Variants in NKAIN2 observed in about 807,000 individuals in gnomAD.
The protein encoded by NKAIN2 is sodium/potassium-transporting ATPase subunit beta-1-interacting protein 2.
Under a neutral mutation model 32.6 loss-of-function variants are expected in NKAIN2, and 14 were observed. That is an observed-to-expected ratio of 0.43 (90% CI 0.28 to 0.67). The LOEUF (loss-of-function observed/expected upper bound fraction) is 0.67, where lower values mean the gene tolerates loss of function less well. Among genes scored for constraint, NKAIN2 ranks in the 30% least tolerant of loss-of-function variants. The pLI is 0.17. For missense variants in NKAIN2, 198 were observed against 258.3 expected, an observed-to-expected ratio of 0.77 and a Z score of 1.60; for synonymous variants, 80 against 87.2, an observed-to-expected ratio of 0.92 and a Z score of 0.46.
At chr6:124,191,107 G>A (rs9491082) in intron 1 of NKAIN2, among the ~76,000 whole-genome samples, 2,169 of 152,220 alleles carry the variant, frequency 0.014, 47 homozygotes, top group African/African-American at 0.05. Context: ...AACATGTAGC[G>A]AACATTACAG....
chr6:123,975,764 C>T (rs1318524801), intron 1 of NKAIN2, among the ~76,000 whole-genome samples: 1 of 152,094 alleles, frequency 6.6e-6, no homozygotes, highest in African/African-American at 2.4e-5. Context: ...GGGCTCCACA[C>T]TCATGACATA....
chr6:124,233,431 T>A (rs1377057761), intron 1 of NKAIN2, among the ~76,000 whole-genome samples: 1 of 152,194 alleles, frequency 6.6e-6, no homozygotes, highest in Non-Finnish European at 1.5e-5. Flanking sequence ...TTCCCTATGG[T>A]GAGCCCTGAT....
intron 4 of NKAIN2, among the ~76,000 whole-genome samples, chr6:124,699,220 G>A (rs1774646763): frequency 6.6e-6 from 1 of 152,298 alleles, no homozygotes; most frequent in African/African-American, 2.4e-5. Context: ...CATGTGGACT[G>A]AGCATTCAAG....
chr6:124,021,638 T>C (rs1489518436), intron 1 of NKAIN2, among the ~76,000 whole-genome samples: 1 of 152,020 alleles, frequency 6.6e-6, no homozygotes, highest in Admixed American at 6.6e-5. Context: ...AGATTTATTT[T>C]AAAAGGAAAA....
At chr6:123,855,954 T>C (rs1233563681) in intron 1 of NKAIN2, among the ~76,000 whole-genome samples, 1 of 152,190 alleles carries the variant, frequency 6.6e-6, no homozygotes, top group East Asian at 1.9e-4. Flanking sequence ...ATTTTGAAGT[T>C]TACAATTAAA....
chr6:124,651,020 G>A (rs1416927117), intron 3 of NKAIN2, among the ~76,000 whole-genome samples: 1 of 152,112 alleles, frequency 6.6e-6, no homozygotes, highest in African/African-American at 2.4e-5. Flanking sequence ...CAGACATAAG[G>A]TAGACATTCC....
chr6:124,681,407 TAAACAAAC>T (rs753321989), intron 4 of NKAIN2, among the ~76,000 whole-genome samples: 2 of 152,016 alleles, frequency 1.3e-5, no homozygotes, highest in African/African-American at 4.8e-5. Flanking sequence ...TTATTAAAAA[TAAACAAAC>T]AAACCCCTGA....
At chr6:124,240,041 A>C (rs1221830203) in intron 1 of NKAIN2, among the ~76,000 whole-genome samples, 1 of 152,218 alleles carries the variant, frequency 6.6e-6, no homozygotes, top group African/African-American at 2.4e-5. Context: ...AAATAGGCAC[A>C]ATAAAAAATG....
chr6:124,762,352 G>T (rs979062043), intron 4 of NKAIN2, among the ~76,000 whole-genome samples: 44 of 152,102 alleles, frequency 2.9e-4, no homozygotes, highest in Middle Eastern at 3.4e-3. Flanking sequence ...CTCCCTAAGA[G>T]CCTTATTTTG....
At chr6:124,666,195 T>C (rs1245199344) in intron 4 of NKAIN2, among the ~76,000 whole-genome samples, 1 of 152,200 alleles carries the variant, frequency 6.6e-6, no homozygotes, top group East Asian at 1.9e-4. Flanking sequence ...TGTTTGTTTT[T>C]CTGTAACATC....
chr6:124,688,632 C>T (rs1774108344), intron 4 of NKAIN2, among the ~76,000 whole-genome samples: 1 of 151,914 alleles, frequency 6.6e-6, no homozygotes, highest in Non-Finnish European at 1.5e-5. Context: ...TCTACCCAGC[C>T]CTCCCCCTCC....
chr6:124,554,449 C>T (rs1480342943), intron 3 of NKAIN2, among the ~76,000 whole-genome samples: 5 of 152,206 alleles, frequency 3.3e-5, no homozygotes, highest in African/African-American at 1.2e-4. Flanking sequence ...CAGAAGGACC[C>T]AAGGTTGCTT....
intron 3 of NKAIN2, among the ~76,000 whole-genome samples, chr6:124,440,788 T>C (rs1180074433): frequency 6.6e-6 from 1 of 152,090 alleles, no homozygotes; most frequent in Non-Finnish European, 1.5e-5. Flanking sequence ...GACACTTCTT[T>C]GTCCCTTGGT....
chr6:124,742,122 T>C (rs1426284209), intron 4 of NKAIN2, among the ~76,000 whole-genome samples: 2 of 151,910 alleles, frequency 1.3e-5, no homozygotes, highest in Non-Finnish European at 2.9e-5. Flanking sequence ...TGCCTCTGGC[T>C]CTGTTTTGTC....
At chr6:124,453,175 A>G (rs759108596) in intron 3 of NKAIN2, among the ~76,000 whole-genome samples, 2 of 152,044 alleles carry the variant, frequency 1.3e-5, no homozygotes, top group Admixed American at 1.3e-4. Context: ...GAGGGCATTC[A>G]TAGCTAACAA....
rs1773121768 is a variant in NKAIN2 at position 123,804,276 on chromosome 6, T to C, written c.54+22T>C. On this transcript the variant is annotated intron_variant, in intron 1 of 6. Coordinates refer to ENST00000368417, the MANE Select transcript of NKAIN2 (RefSeq NM_001040214.3). ...ACTGGTAAGTGACACTTGGGTCCCC[T>C]TATTCTGTAATGTGTCTTTGAGATA... 1.9e-6 allele frequency: 3 copies of C among 1,603,246 alleles called. No homozygotes were observed. In the East Asian group the frequency reaches 6.7e-5, roughly 36 times the overall value.
At chr6:124,667,190 A>G (rs1474287854) in intron 4 of NKAIN2, among the ~76,000 whole-genome samples, 1 of 152,134 alleles carries the variant, frequency 6.6e-6, no homozygotes, top group Non-Finnish European at 1.5e-5. Flanking sequence ...TACTGTTTGA[A>G]GCATATCACA....
chr6:124,638,887 C>CAAAAAAAAAAAAA (rs35802663), intron 3 of NKAIN2, among the ~76,000 whole-genome samples: 4 of 82,612 alleles, frequency 4.8e-5, no homozygotes, highest in African/African-American at 1.6e-4. Flanking sequence ...GAGACTCTGT[C>CAAAAAAAAAAAAA]AAAAAAAAAA....
At chr6:123,824,815 C>T (rs772655574) in intron 1 of NKAIN2, among the ~76,000 whole-genome samples, 1 of 151,944 alleles carries the variant, frequency 6.6e-6, no homozygotes, top group East Asian at 1.9e-4. Flanking sequence ...GATCAGGGCT[C>T]CCTGTTTGGA....
Sources: allele counts gnomAD v4.1 joint callset (sites outside exome capture counted in the v4.1 genomes callset), GRCh38; gene constraint gnomAD v4.1.1; transcripts MANE v1.5; gene names NCBI Gene and HGNC (gene_info 2026-07-23, HGNC 2026-07-21).